The following CTNNBL1 variants were observed in gnomAD, a reference collection of about 807,000 sequenced individuals.
The protein encoded by CTNNBL1 is beta-catenin-like protein 1.
CTNNBL1 carries 31 observed loss-of-function variants against 72.7 expected under a neutral mutation model. The ratio of observed to expected loss-of-function variants is 0.43; its 90% CI spans 0.32 to 0.58. The LOEUF (loss-of-function observed/expected upper bound fraction) is 0.58, where lower values mean the gene tolerates loss of function less well. Ranked by LOEUF, CTNNBL1 falls within the 20% of genes least tolerant of loss-of-function variation. CTNNBL1 has a pLI of 0.08. For synonymous variants in CTNNBL1, 240 were observed against 267.3 expected (o/e 0.90, Z 1.00); for missense variants, 534 against 725.1 (o/e 0.74, Z 3.03).
intron 11 of CTNNBL1, among the ~76,000 whole-genome samples, chr20:37,831,523 G>GC (rs1568801205): frequency 1.3e-5 from 2 of 151,858 alleles, no homozygotes; most frequent in African/African-American, 4.8e-5. Flanking sequence ...CCGCCACCAC[G>GC]CCCAGCTAAT....
intron 10 of CTNNBL1, among the ~76,000 whole-genome samples, chr20:37,793,325 A>G (rs964735101): frequency 2.0e-5 from 3 of 152,220 alleles, no homozygotes; most frequent in Non-Finnish European, 4.4e-5. Flanking sequence ...TTAAACTTAT[A>G]GAATTATATG....
At chr20:37,786,542 ATG>A (rs1568780051) in intron 10 of CTNNBL1, among the ~76,000 whole-genome samples, 1 of 151,984 alleles carries the variant, frequency 6.6e-6, no homozygotes, top group East Asian at 1.9e-4. Flanking sequence ...ATGCATATGT[ATG>A]TGTGTACATA....
chr20:37,844,369 T>G (rs1387601151), intron 13 of CTNNBL1, among the ~76,000 whole-genome samples: 3 of 152,158 alleles, frequency 2.0e-5, no homozygotes, highest in African/African-American at 7.2e-5. Context: ...ATCCAACCCC[T>G]CAAGCTTCAT....
chr20:37,719,733 G>C (rs2073023643), intron 1 of CTNNBL1, among the ~76,000 whole-genome samples: 1 of 152,070 alleles, frequency 6.6e-6, no homozygotes, highest in African/African-American at 2.4e-5. Context: ...TATTTTATTT[G>C]AAATGAGATA....
At chr20:37,772,469 C>G (rs1465193511) in intron 7 of CTNNBL1, among the ~76,000 whole-genome samples, 1 of 152,228 alleles carries the variant, frequency 6.6e-6, no homozygotes, top group Non-Finnish European at 1.5e-5. Context: ...CTGCCTCAAC[C>G]TCCTGAGTAG....
At chr20:37,859,504 C>T (rs1267156211) in intron 13 of CTNNBL1, among the ~76,000 whole-genome samples, 2 of 152,018 alleles carry the variant, frequency 1.3e-5, no homozygotes, top group African/African-American at 2.4e-5. Flanking sequence ...AGGTCAGGGG[C>T]CAACTGTATC....
intron 9 of CTNNBL1, among the ~76,000 whole-genome samples, chr20:37,778,282 C>T (rs374586212): frequency 6.6e-5 from 10 of 152,080 alleles, no homozygotes; most frequent in African/African-American, 2.2e-4. Flanking sequence ...TTAAGATTTC[C>T]TCTTACAAGT....
chr20:37,739,297 A>C (rs1415613265), intron 3 of CTNNBL1, among the ~76,000 whole-genome samples: 2 of 152,160 alleles, frequency 1.3e-5, no homozygotes, highest in African/African-American at 2.4e-5. Flanking sequence ...CATACTGTGC[A>C]TATTCTGCAC....
chr20:37,866,585 T>A (rs188851215), intron 15 of CTNNBL1, among the ~76,000 whole-genome samples: 2 of 152,312 alleles, frequency 1.3e-5, no homozygotes, highest in East Asian at 3.9e-4. Context: ...TTAGCTGTCT[T>A]TATTGTTATA....
chr20:37,853,877 A>T (rs2072416975), intron 13 of CTNNBL1, among the ~76,000 whole-genome samples: 1 of 152,256 alleles, frequency 6.6e-6, no homozygotes. Context: ...AACAGGCTAG[A>T]TAAGGTGCTA....
chr20:37,701,695 A>G (rs935605340), intron 1 of CTNNBL1, among the ~76,000 whole-genome samples: 1 of 152,226 alleles, frequency 6.6e-6, no homozygotes, highest in Non-Finnish European at 1.5e-5. Flanking sequence ...TAAGAGCAAA[A>G]GCAGGGTAGT....
intron 10 of CTNNBL1, among the ~76,000 whole-genome samples, chr20:37,795,427 G>A (rs1289462359): frequency 1.3e-5 from 2 of 152,134 alleles, no homozygotes; most frequent in African/African-American, 4.8e-5. Flanking sequence ...GAGTATAATG[G>A]TATGTATATG....
intron 1 of CTNNBL1, among the ~76,000 whole-genome samples, chr20:37,720,052 G>C (rs1489653816): frequency 6.6e-6 from 1 of 151,884 alleles, no homozygotes; most frequent in Non-Finnish European, 1.5e-5. Context: ...TTTTGAGACA[G>C]AGTCTTGCTC....
chr20:37,701,993 G>T (rs546842346), intron 1 of CTNNBL1, among the ~76,000 whole-genome samples: 1 of 152,190 alleles, frequency 6.6e-6, no homozygotes, highest in African/African-American at 2.4e-5. Context: ...TGAATCATTG[G>T]TTGTTTTACA....
At chr20:37,734,565 C>T (rs139822195) in intron 2 of CTNNBL1, among the ~76,000 whole-genome samples, 2 of 152,268 alleles carry the variant, frequency 1.3e-5, no homozygotes, top group African/African-American at 4.8e-5. Context: ...TGGGACCAAC[C>T]CGTCTGTTAA....
At chr20:37,813,409 C>T (rs969449504) in intron 11 of CTNNBL1, among the ~76,000 whole-genome samples, 8 of 152,172 alleles carry the variant, frequency 5.3e-5, no homozygotes, top group Non-Finnish European at 2.9e-5. Flanking sequence ...CTATGCTCTG[C>T]TGCCAGAGGA....
At chr20:37,785,711 C>T (rs991308458) in intron 10 of CTNNBL1, among the ~76,000 whole-genome samples, 1 of 152,184 alleles carries the variant, frequency 6.6e-6, no homozygotes, top group Non-Finnish European at 1.5e-5. Context: ...TGAAAGCTCA[C>T]ATATCTCTGT....
chr20:37,705,271 A>G (rs755028802), intron 1 of CTNNBL1, among the ~76,000 whole-genome samples: 40 of 152,164 alleles, frequency 2.6e-4, no homozygotes, highest in Non-Finnish European at 5.1e-4. Flanking sequence ...AATAGTGTCT[A>G]TCTCTGCCCA....
chr20:37,871,602 G>A (rs1351128640), intron 15 of CTNNBL1, among the ~76,000 whole-genome samples: 1 of 152,160 alleles, frequency 6.6e-6, no homozygotes. Flanking sequence ...GATGCGTTGA[G>A]GATGAGGTTT....
Sources: gnomAD v4.1 joint callset for allele counts (sites outside exome capture counted in the v4.1 genomes callset) on GRCh38, gnomAD v4.1.1 for gene constraint, MANE v1.5 for transcripts, NCBI Gene and HGNC (gene_info 2026-07-23, HGNC 2026-07-21) for gene names.